CDH1: variants seen among roughly 807,000 people sequenced by gnomAD.
CDH1 encodes cadherin 1.
In CDH1, 35 loss-of-function variants were observed where a neutral mutation model predicts 84.5. The observed-to-expected ratio is 0.41, with a 90% CI of 0.32 to 0.55. CDH1 has a LOEUF of 0.55. Among genes scored for constraint, CDH1 ranks in the 20% least tolerant of loss-of-function variants. CDH1 has a pLI of 0.19. For missense variants in CDH1, 994 were observed against 1,126.6 expected (o/e 0.88, Z 1.68); for synonymous variants, 417 against 439.0 (o/e 0.95, Z 0.63).
intron 2 of CDH1, among the ~76,000 whole-genome samples, chr16:68,756,728 G>T (rs1286805408): frequency 1.3e-5 from 2 of 152,136 alleles, no homozygotes; most frequent in Non-Finnish European, 2.9e-5. Flanking sequence ...AAAGAGGCCG[G>T]GTGCGGTAGC....
intron 2 of CDH1, among the ~76,000 whole-genome samples, chr16:68,773,204 A>G (rs1012846903): frequency 1.3e-5 from 2 of 151,950 alleles, no homozygotes; most frequent in Admixed American, 6.5e-5. Flanking sequence ...CTTCAGCTAG[A>G]TAGAGTCTTC....
intron 2 of CDH1, among the ~76,000 whole-genome samples, chr16:68,743,827 T>A (rs981795077): frequency 1.3e-5 from 2 of 152,260 alleles, no homozygotes; most frequent in Admixed American, 6.5e-5. Context: ...TGACTTTGAA[T>A]AAGTCACTTT....
At chr16:68,815,788 G>A (rs2152135191) in intron 10 of CDH1, 29 bp downstream of exon 10, 1 of 1,612,950 alleles carries the variant, frequency 6.2e-7, no homozygotes, top group Non-Finnish European at 8.5e-7. Flanking sequence ...CAACTGACTT[G>A]CAGCAACTGG....
intron 2 of CDH1, among the ~76,000 whole-genome samples, chr16:68,781,555 T>A (rs1420313892): frequency 6.6e-6 from 1 of 152,134 alleles, no homozygotes; most frequent in Non-Finnish European, 1.5e-5. Flanking sequence ...CCCAGGTTGG[T>A]GTCGAACTCC....
intron 2 of CDH1, among the ~76,000 whole-genome samples, chr16:68,780,137 G>A (rs914803822): frequency 1.1e-4 from 16 of 150,476 alleles, no homozygotes; most frequent in Non-Finnish European, 1.9e-4. Context: ...TTCCAAAGGG[G>A]ACCGTGTGGC....
intron 12 of CDH1, chr16:68,822,835 G>A: frequency 4.2e-6 from 1 of 238,126 alleles, no homozygotes; most frequent in Non-Finnish European, 8.3e-6. Flanking sequence ...ACATCCAGAA[G>A]CCATGTAAAG....
Position 68,813,335 on chromosome 16 carries a change from A to G in CDH1, c.1160A>G (p.Asn387Ser), listed in dbSNP as rs779426744. 2.5e-5 allele frequency: 41 copies of G among 1,614,076 alleles called. No individual in the cohort carries two copies. The South Asian group carries it at 4.5e-4, about 18-fold the overall frequency. Residue 387 changes from asparagine (N) to serine (S), a missense_variant, in exon 9 of 16, where the codon AAC becomes AGC. Asn to Ser is a conservative substitution (Grantham distance 46, BLOSUM62 1). This residue lies in a region of CDH1 where 769 missense variants were observed against 881.8 expected (regional missense o/e 0.87). Transcript: ENST00000261769. ...PTTYKGQVPE[N>S]EANVVITTLK... is the part of the protein sequence containing the mutation. The stretch of plus-strand genomic sequence containing the variant: ...CAGTACAAGGGTCAGGTGCCTGAGA[A>G]CGAGGCTAACGTCGTAATCACCACA...
At chr16:68,750,316 C>G (rs1232392664) in intron 2 of CDH1, among the ~76,000 whole-genome samples, 1 of 151,962 alleles carries the variant, frequency 6.6e-6, no homozygotes, top group Non-Finnish European at 1.5e-5. Flanking sequence ...TTATATTGGC[C>G]TTCAAGACTT....
rs1277016720 is a variant in CDH1 at position 68,741,704 on chromosome 16, A to AGTTTT, written c.163+3295_163+3299dup. ...TAAACCAGTTTTTGTTTTGAGACGG[A>AGTTTT]GTTTTGCTCTTGCCGCCCAGCCTGG... On this transcript the variant is annotated intron_variant, in intron 2 of 15. Coordinates refer to ENST00000261769, the MANE Select transcript of CDH1 (RefSeq NM_004360.5). Among the ~76,000 whole-genome samples the AGTTTT allele has an allele frequency of 1.1e-3, 165 of 150,972 alleles. 1 individual carries two copies. Among genetic ancestry groups the AGTTTT allele is most frequent in the African/African-American group, 3.8e-3 (155 of 41,192 alleles).
At position 68,781,749 on chromosome 16, in the gene CDH1, C is replaced by T. The variant is rs542330601; in HGVS notation, c.164-19921C>T. ...TTAGCCAAACTGCTGGGATTACAGGCCTGAGCAATCATGCCGGGCCCCCTC... is the reference window on the plus strand; with the variant it reads ...TTAGCCAAACTGCTGGGATTACAGGTCTGAGCAATCATGCCGGGCCCCCTC... On this transcript the variant is annotated intron_variant, in intron 2 of 15. Transcript: ENST00000261769. 1.1e-4 allele frequency among the ~76,000 whole-genome samples: 16 copies of T among 152,242 alleles called. No homozygotes were observed. The East Asian group carries it at 2.7e-3, about 26-fold the overall frequency.
intron 12 of CDH1, chr16:68,822,701 C>T (rs528476294): frequency 3.3e-6 from 1 of 306,320 alleles, no homozygotes; most frequent in South Asian, 3.2e-5. Context: ...CTATTTCCAC[C>T]ATGACGATGT....
intron 10 of CDH1, among the ~76,000 whole-genome samples, chr16:68,817,457 G>A (rs1478000995): frequency 6.6e-6 from 1 of 152,206 alleles, no homozygotes; most frequent in East Asian, 1.9e-4. Flanking sequence ...AAAATTAGTT[G>A]CTGAACAAGA....
At chr16:68,762,075 G>A (rs1007467186) in intron 2 of CDH1, among the ~76,000 whole-genome samples, 3 of 152,202 alleles carry the variant, frequency 2.0e-5, no homozygotes, top group African/African-American at 4.8e-5. Flanking sequence ...GAGCACAGAG[G>A]TCTGGGCCTC....
chr16:68,755,451 G>T (rs555310267), intron 2 of CDH1, among the ~76,000 whole-genome samples: 1 of 151,744 alleles, frequency 6.6e-6, no homozygotes, highest in African/African-American at 2.4e-5. Flanking sequence ...TTGTTACGTT[G>T]CCCAGGCTAG....
intron 2 of CDH1, among the ~76,000 whole-genome samples, chr16:68,768,391 CTA>C (rs1597861876): frequency 6.6e-6 from 1 of 152,352 alleles, no homozygotes; most frequent in East Asian, 1.9e-4. Flanking sequence ...AATTAGGTTT[CTA>C]TGAGTTAAGC....
At chr16:68,805,964 T>C (rs984122664) in intron 3 of CDH1, among the ~76,000 whole-genome samples, 27 of 152,020 alleles carry the variant, frequency 1.8e-4, no homozygotes, top group African/African-American at 6.5e-4. Context: ...GTTTTTGTTT[T>C]TGAGACAGAG....
intron 2 of CDH1, among the ~76,000 whole-genome samples, chr16:68,776,149 A>C (rs1468843843): frequency 1.3e-5 from 2 of 151,964 alleles, no homozygotes; most frequent in Admixed American, 6.6e-5. Context: ...ACCATGCCTG[A>C]CTAAGTTTTG....
At position 68,833,308 on chromosome 16, in the gene CDH1, A is replaced by T. The variant is rs878854685; in HGVS notation, c.2458A>T (p.Thr820Ser). The change falls in exon 16 of 16, where the codon ACT (threonine) becomes TCT (serine). Residue 820 changes from threonine to serine, a missense_variant. This residue lies in a region of CDH1 where 769 missense variants were observed against 881.8 expected (regional missense o/e 0.87). Transcript: ENST00000261769. ...FIDENLKAADTDPTAPPYDSL... is the reference protein window; with the variant it reads ...FIDENLKAADSDPTAPPYDSL... ...TCTTTAGAATCTGAAAGCGGCTGAT[A>T]CTGACCCCACAGCCCCGCCTTATGA... 6.2e-7 allele frequency: 1 copy of T among 1,614,132 alleles called. No homozygotes were observed. Among genetic ancestry groups the T allele is most frequent in the African/African-American group, 1.3e-5 (1 of 75,048 alleles).
At chr16:68,816,062 G>C (rs1277568006) in intron 10 of CDH1, among the ~76,000 whole-genome samples, 1 of 152,152 alleles carries the variant, frequency 6.6e-6, no homozygotes, top group Non-Finnish European at 1.5e-5. Flanking sequence ...TTGTCGCCCA[G>C]GCTAGCGTGC....
Sources: gnomAD v4.1 joint callset for allele counts (sites outside exome capture counted in the v4.1 genomes callset) on GRCh38, gnomAD v4.1.1 for gene constraint, gnomAD v4.1.1 regional missense constraint, MANE v1.5 for transcripts, NCBI Gene and HGNC (gene_info 2026-07-23, HGNC 2026-07-21) for gene names.